The following MAPKBP1 variants were observed in gnomAD, a reference collection of about 807,000 sequenced individuals.
MAPKBP1 encodes mitogen-activated protein kinase-binding protein 1.
In MAPKBP1, 71 loss-of-function variants were observed where a neutral mutation model predicts 170.5. That is an observed-to-expected ratio of 0.42 (90% CI 0.34 to 0.51). The LOEUF (loss-of-function observed/expected upper bound fraction) is 0.51, where lower values mean the gene tolerates loss of function less well. Among genes scored for constraint, MAPKBP1 ranks in the 20% least tolerant of loss-of-function variants. The pLI, the probability that MAPKBP1 is intolerant of heterozygous loss-of-function variation, is 0.06. For missense variants in MAPKBP1, 1,598 were observed against 1,933.0 expected (o/e 0.83, Z 3.25); for synonymous variants, 719 against 757.9 (o/e 0.95, Z 0.84).
intron 3 of MAPKBP1, among the ~76,000 whole-genome samples, chr15:41,806,525 G>A (rs150044982): frequency 6.6e-5 from 10 of 152,342 alleles, no homozygotes; most frequent in Non-Finnish European, 8.8e-5. Flanking sequence ...CAGCAGGCCT[G>A]GACCTGTGTA....
chr15:41,786,476 C>G (rs2064289480), intron 2 of MAPKBP1, among the ~76,000 whole-genome samples: 1 of 151,760 alleles, frequency 6.6e-6, no homozygotes, highest in South Asian at 2.1e-4. Flanking sequence ...AAAAATATAT[C>G]TGGTATAGCC....
At chr15:41,795,346 A>G (rs957065444) in intron 2 of MAPKBP1, among the ~76,000 whole-genome samples, 1 of 152,060 alleles carries the variant, frequency 6.6e-6, no homozygotes, top group Non-Finnish European at 1.5e-5. Context: ...AAGGAATGGC[A>G]TATGTAAAGG....
chr15:41,803,434 A>AAAAAAAAAAAAAAAAAG lies in MAPKBP1; in HGVS notation c.206+3521_206+3522insAAAAAAAAAAAAAAAGA, dbSNP rs58804270. Among the ~76,000 whole-genome samples the AAAAAAAAAAAAAAAAAG allele has an allele frequency of 1.1e-3, 103 of 90,764 alleles. 23 individuals carry two copies. The highest frequency in any genetic ancestry group is 4.0e-3 in the South Asian group (10 of 2,520). The allele number at this position is 90,764 out of a possible 152,430, so 59.5% of individuals were successfully genotyped here. On this transcript the variant is annotated intron_variant, in intron 3 of 30. Transcript: ENST00000457542. ...ATCTCAAAAAAAAAAAAAAAAAAAA[A>AAAAAAAAAAAAAAAAAG]AGGTTAAGCAGGCAGGGTGCAGTGG...
Position 41,823,646 on chromosome 15 carries a change from T to C in MAPKBP1, c.3798T>C (p.Ala1266=). ...ISVGENLGLV[A]EPQAHAPIRV... is the part of the protein sequence containing the mutation. ...TTGGGGAGAACCTGGGCCTGGTGGCTGAACCTCAAGCTCATGCCCCCATCC... is the reference window on the plus strand; with the variant it reads ...TTGGGGAGAACCTGGGCCTGGTGGCCGAACCTCAAGCTCATGCCCCCATCC... Residue 1266 remains alanine (A), a synonymous_variant, in exon 29 of 31, where the codon GCT becomes GCC. Transcript: ENST00000457542. 1 of 1,614,174 alleles carries C rather than the reference T, an allele frequency of 6.2e-7. No individual in the cohort carries two copies.
chr15:41,821,062 T>C lies in MAPKBP1; in HGVS notation c.2712T>C (p.Thr904=), dbSNP rs1260677421. The change falls in exon 23 of 31, where the codon ACT becomes ACC. Residue 904 remains threonine (T), a synonymous_variant. Coordinates refer to ENST00000457542, the MANE Select transcript of MAPKBP1 (RefSeq NM_014994.3). ...HGQEALETSL[T]SQNEKPPRPQ... The stretch of plus-strand genomic sequence containing the variant: ...AGGAGGCCCTTGAGACTTCACTCAC[T>C]AGCCAGGTGAGCCTGCTTTCTCCCA... 2 of 1,613,720 alleles carry C rather than the reference T, an allele frequency of 1.2e-6. No homozygotes were observed. Among genetic ancestry groups the C allele is most frequent in the Middle Eastern group, 1.7e-4 (1 of 5,948 alleles).
intron 2 of MAPKBP1, among the ~76,000 whole-genome samples, chr15:41,780,106 C>G (rs1427248947): frequency 6.6e-6 from 1 of 152,188 alleles, no homozygotes; most frequent in Non-Finnish European, 1.5e-5. Flanking sequence ...TCGAAACCTC[C>G]TCTCACCTAC....
Position 41,810,866 on chromosome 15 carries a change from T to TC in MAPKBP1, c.207-16dup, listed in dbSNP as rs1455634493. The TC allele has an allele frequency of 6.2e-7, 1 of 1,613,764 alleles. No individual in the cohort carries two copies. Among genetic ancestry groups the TC allele is most frequent in the South Asian group, 1.1e-5 (1 of 91,066 alleles). On this transcript the variant is annotated splice_polypyrimidine_tract_variant and intron_variant, in intron 3 of 30. Coordinates refer to ENST00000457542, the MANE Select transcript of MAPKBP1 (RefSeq NM_014994.3). ...CTGTGGTTTGCTGCTGAGCCTGTTG[T>TC]CTGCTCATCTCCTCAGGTGTGTGGT...
rs755963082 is a variant in MAPKBP1 at position 41,822,062 on chromosome 15, G to A, written c.2983G>A (p.Val995Met). The A allele has an allele frequency of 1.0e-4, 162 of 1,609,068 alleles. No individual in the cohort carries two copies. Among genetic ancestry groups the A allele is most frequent in the Non-Finnish European group, 1.3e-4 (157 of 1,177,720 alleles). ...EKHSPDSACS[V>M]DYSSSCLSSP... ...GCACAGCCCTGACAGTGCCTGCTCT[G>A]TGGATTACAGCAGCAGCTGCCTTTC... Residue 995 changes from valine (V) to methionine (M), a missense_variant, in exon 25 of 31, where the codon GTG (valine) becomes ATG (methionine). This residue lies in a region of MAPKBP1 where 942 missense variants were observed against 953.2 expected (regional missense o/e 0.99). Transcript: ENST00000457542.
At chr15:41,814,497 T>C (rs2064856905) in intron 9 of MAPKBP1, 53 bp from the exon 10 acceptor site, 1 of 1,558,280 alleles carries the variant, frequency 6.4e-7, no homozygotes, top group African/African-American at 1.4e-5. Context: ...GTGGATTGGC[T>C]TCTCTTTTCA....
rs768747571 is a variant in MAPKBP1 at position 41,819,548 on chromosome 15, G to GGGGGA, written c.2426-43_2426-42insAGGGG. The GGGGGA allele has an allele frequency of 3.9e-5, 39 of 993,366 alleles. 2 individuals carry two copies. Among genetic ancestry groups the GGGGGA allele is most frequent in the Non-Finnish European group, 4.3e-5 (32 of 746,164 alleles). 61.5% of individuals were successfully genotyped at this position (993,366 alleles called of 1,614,324 possible). ...GGCCAGGGCTCCAGGGTTGGGTGGC[G>GGGGGA]GGGGGGGGGCAGGAGACACTTCCTC... is the stretch of plus-strand genomic sequence containing the variant. On this transcript the variant is annotated intron_variant, in intron 21 of 30. Transcript: ENST00000457542.
intron 2 of MAPKBP1, among the ~76,000 whole-genome samples, chr15:41,786,719 T>C (rs1403175986): frequency 4.6e-5 from 6 of 130,712 alleles, no homozygotes; most frequent in Admixed American, 8.7e-5. Context: ...GAGCCAAGAT[T>C]GCGCCACTGC....
At position 41,826,409 on chromosome 15, in the gene MAPKBP1, C is replaced by T. The variant is rs971781397; in HGVS notation, c.*973C>T. On this transcript the variant is annotated 3_prime_UTR_variant, in exon 31 of 31. Transcript: ENST00000457542. ...ACGTGCACACATGTACACACACACA[C>T]CTACCTGCACAGCACGCTGTTGAGT... 5 of 152,120 alleles carry T rather than the reference C, an allele frequency of 3.3e-5. No homozygotes were observed. Among genetic ancestry groups the T allele is most frequent in the Non-Finnish European group, 7.3e-5 (5 of 68,086 alleles). 9.4% of individuals were successfully genotyped at this position (152,120 alleles called of 1,614,324 possible).
At chr15:41,795,191 A>G (rs1324871986) in intron 2 of MAPKBP1, among the ~76,000 whole-genome samples, 3 of 151,794 alleles carry the variant, frequency 2.0e-5, no homozygotes, top group Non-Finnish European at 4.4e-5. Flanking sequence ...AGAAAAAGAA[A>G]AAAGAAAAAC....
intron 5 of MAPKBP1, chr15:41,811,680 G>A (rs549775293): frequency 4.6e-6 from 3 of 651,960 alleles, no homozygotes; most frequent in Non-Finnish European, 8.5e-6. Context: ...TCTCAATGCC[G>A]GCTGCCCATC....
intron 2 of MAPKBP1, among the ~76,000 whole-genome samples, chr15:41,782,422 C>T (rs1033981481): frequency 1.3e-5 from 2 of 152,066 alleles, no homozygotes; most frequent in African/African-American, 2.4e-5. Context: ...GGACGTGATG[C>T]GAATGTTGTC....
intron 24 of MAPKBP1, 28 bp downstream of exon 24, chr15:41,821,778 G>A (rs753857291): frequency 7.4e-6 from 12 of 1,611,928 alleles, no homozygotes; most frequent in East Asian, 6.7e-5. Context: ...GCCAGACCCC[G>A]TGCCCCCGTC....
Position 41,817,743 on chromosome 15 carries a change from T to C in MAPKBP1, c.1904+8T>C, listed in dbSNP as rs1186050136. The C allele has an allele frequency of 6.2e-7, 1 of 1,610,806 alleles. No individual in the cohort carries two copies. Among genetic ancestry groups the C allele is most frequent in the Non-Finnish European group, 8.5e-7 (1 of 1,178,546 alleles). On this transcript the variant is annotated splice_region_variant and intron_variant, in intron 16 of 30. Transcript: ENST00000457542. This position sits in a 1 kb window ranked among gnomAD's most constrained non-coding sequence, Gnocchi z 4.2. ...CCAGGACCGAAATATTCGGTGGGCG[T>C]CCCCTCCTCAGACTCTGCCCACATT...
intron 3 of MAPKBP1, 108 bp downstream of exon 3, chr15:41,800,022 G>A: frequency 1.1e-6 from 1 of 914,200 alleles, no homozygotes; most frequent in Non-Finnish European, 1.8e-6. Flanking sequence ...ATAGATACAG[G>A]TTAATGTTTT....
rs199681928 is a variant in MAPKBP1, at chr15:41,815,656, C to T, written c.1350C>T (p.Asn450=). ...DLIKIIYVDG[N]TQALLDTELP... ...TTAAAATCATCTATGTGGATGGGAA[C>T]ACCCAGGCCCTGCTGGACACAGAGC... Residue 450 remains asparagine (N), a synonymous_variant, in exon 12 of 31, where the codon AAC becomes AAT. Coordinates refer to ENST00000457542, the MANE Select transcript of MAPKBP1 (RefSeq NM_014994.3). 34 of 1,613,990 alleles carry T rather than the reference C, an allele frequency of 2.1e-5. No homozygotes were observed. The East Asian group carries it at 7.4e-4, about 35-fold the overall frequency.
Sources: gnomAD v4.1 joint callset for allele counts (sites outside exome capture counted in the v4.1 genomes callset) on GRCh38, gnomAD v4.1.1 for gene constraint, gnomAD v4.1.1 regional missense constraint, Gnocchi (gnomAD v3.1) non-coding constraint, MANE v1.5 for transcripts, NCBI Gene and HGNC (gene_info 2026-07-23, HGNC 2026-07-21) for gene names.